Variants in RYR2 observed in about 807,000 individuals in gnomAD.
RYR2 encodes cardiac muscle ryanodine receptor-calcium release channel.
In RYR2, 227 loss-of-function variants were observed where a neutral mutation model predicts 601.1. The observed-to-expected ratio is 0.38, with a 90% CI of 0.34 to 0.42. The LOEUF (loss-of-function observed/expected upper bound fraction) is 0.42, where lower values mean the gene tolerates loss of function less well. Among genes scored for constraint, RYR2 ranks in the 10% least tolerant of loss-of-function variants. The pLI, the probability that RYR2 is intolerant of heterozygous loss-of-function variation, is 1.00. For missense variants in RYR2, 4,646 were observed against 6,156.5 expected (o/e 0.75, Z 8.21); for synonymous variants, 2,223 against 2,175.1 (o/e 1.02, Z -0.61).
At chr1:237,522,630 T>C (rs1225420112) in intron 24 of RYR2, among the ~76,000 whole-genome samples, 1 of 152,234 alleles carries the variant, frequency 6.6e-6, no homozygotes, top group East Asian at 1.9e-4. Flanking sequence ...TTACCATTTT[T>C]CAAATTTTAC....
At chr1:237,673,253 G>A (rs971347808) in intron 58 of RYR2, among the ~76,000 whole-genome samples, 2 of 152,074 alleles carry the variant, frequency 1.3e-5, no homozygotes, top group South Asian at 2.1e-4. Context: ...CATGCTATTC[G>A]GTTTGCTGCT....
chr1:237,666,307 T>C (rs1290956982), intron 56 of RYR2, among the ~76,000 whole-genome samples: 20 of 152,238 alleles, frequency 1.3e-4, no homozygotes, highest in Admixed American at 1.3e-3. Flanking sequence ...ATTTTCAGAA[T>C]TATCAATCAT....
chr1:237,509,211 A>T (rs969148133), intron 23 of RYR2, among the ~76,000 whole-genome samples: 2 of 152,046 alleles, frequency 1.3e-5, no homozygotes, highest in South Asian at 4.1e-4. Context: ...TAGCACCCGC[A>T]CCTTTCCTGG....
chr1:237,638,268 C>A, intron 44 of RYR2, 89 bp from the exon 45 acceptor site: 2 of 1,561,690 alleles, frequency 1.3e-6, no homozygotes, highest in Non-Finnish European at 8.7e-7. Context: ...TAAAAGCATC[C>A]TTTAAGGATG....
chr1:237,239,886 C>T (rs1020764222), intron 1 of RYR2, among the ~76,000 whole-genome samples: 1 of 152,148 alleles, frequency 6.6e-6, no homozygotes, highest in Non-Finnish European at 1.5e-5. Flanking sequence ...TACTCTATCA[C>T]GTTGCAAGGA....
intron 10 of RYR2, among the ~76,000 whole-genome samples, chr1:237,395,564 T>TTTTTTTTTTTTTTTG (rs1400077755): frequency 3.9e-5 from 3 of 77,642 alleles, no homozygotes; most frequent in African/African-American, 1.2e-4. Context: ...TTTTTTTTTT[T>TTTTTTTTTTTTTTTG]GAGACAGAGT....
intron 1 of RYR2, among the ~76,000 whole-genome samples, chr1:237,215,102 A>T (rs1442690149): frequency 6.6e-6 from 1 of 152,232 alleles, no homozygotes; most frequent in Non-Finnish European, 1.5e-5. Flanking sequence ...TCTGTCATGT[A>T]GTATATCTTC....
chr1:237,496,783 T>C (rs745886582), intron 20 of RYR2, 31 bp downstream of exon 20: 1 of 1,584,670 alleles, frequency 6.3e-7, no homozygotes, highest in Non-Finnish European at 8.6e-7. Flanking sequence ...TTCACCGTGT[T>C]CCAGAAGATC....
At chr1:237,706,207 C>T (rs1332900031) in intron 67 of RYR2, among the ~76,000 whole-genome samples, 1 of 152,108 alleles carries the variant, frequency 6.6e-6, no homozygotes, top group Non-Finnish European at 1.5e-5. Context: ...CAAGACTGCG[C>T]CACTGCACTC....
chr1:237,617,230 A>G, intron 37 of RYR2, 56 bp from the exon 38 acceptor site: 1 of 1,433,624 alleles, frequency 7.0e-7, no homozygotes, highest in East Asian at 2.5e-5. Flanking sequence ...ATGATTTCAT[A>G]CACATTATTA....
At chr1:237,618,258 A>C (rs951812257) in intron 38 of RYR2, among the ~76,000 whole-genome samples, 1 of 152,138 alleles carries the variant, frequency 6.6e-6, no homozygotes. Flanking sequence ...TGTTATAAAC[A>C]GCATTTATTG....
chr1:237,774,147 TCA>T (rs1035210049), intron 87 of RYR2, among the ~76,000 whole-genome samples: 17 of 152,356 alleles, frequency 1.1e-4, no homozygotes, highest in African/African-American at 4.1e-4. Flanking sequence ...AGCCTTAACT[TCA>T]GATTTTTTAA....
chr1:237,705,229 G>A lies in RYR2; in HGVS notation c.9466G>A (p.Gly3156Arg), dbSNP rs749825473. 1 of 1,608,034 alleles carries A rather than the reference G, an allele frequency of 6.2e-7. No individual in the cohort carries two copies. The highest frequency in any genetic ancestry group is 1.1e-5 in the South Asian group (1 of 89,892). Residue 3156 changes from glycine (G) to arginine (R), a missense_variant, in exon 67 of 105, where the codon GGA becomes AGA. Physicochemically the swap from Gly to Arg is moderately radical, Grantham distance 125. Transcript: ENST00000366574. Reference protein sequence around the residue: ...IYVERQRSALGECLAAFAGAF... With the variant: ...IYVERQRSALRECLAAFAGAF... ...CACTTATAGGCAACGTTCTGCATTAGGAGAATGTCTAGCTGCCTTTGCTGG... is the reference window on the plus strand; with the variant it reads ...CACTTATAGGCAACGTTCTGCATTAAGAGAATGTCTAGCTGCCTTTGCTGG...
At chr1:237,582,139 G>A (rs1025216840) in intron 29 of RYR2, among the ~76,000 whole-genome samples, 1 of 151,760 alleles carries the variant, frequency 6.6e-6, no homozygotes, top group Non-Finnish European at 1.5e-5. Context: ...TGTTGCTCTT[G>A]TTGCCCAGGC....
chr1:237,559,383 A>G (rs534220699), intron 27 of RYR2, among the ~76,000 whole-genome samples: 2 of 152,242 alleles, frequency 1.3e-5, no homozygotes, highest in South Asian at 4.1e-4. Context: ...AGTGGGCAGA[A>G]CAGAGTTGGA....
intron 47 of RYR2, 84 bp from the exon 48 acceptor site, chr1:237,643,243 G>C: frequency 6.5e-7 from 1 of 1,535,572 alleles, no homozygotes; most frequent in Non-Finnish European, 8.9e-7. Flanking sequence ...TTTGGACTTG[G>C]ATTCCAATAC....
intron 29 of RYR2, among the ~76,000 whole-genome samples, chr1:237,571,549 A>G (rs1672703493): frequency 7.2e-5 from 11 of 152,028 alleles, no homozygotes; most frequent in Admixed American, 7.2e-4. Context: ...TCCTGACCTC[A>G]GGTGATCCAC....
intron 73 of RYR2, among the ~76,000 whole-genome samples, chr1:237,721,188 TATTA>T (rs1158799760): frequency 6.6e-5 from 10 of 152,226 alleles, no homozygotes; most frequent in South Asian, 2.1e-4. Context: ...GATTCTACTT[TATTA>T]ATTATGTATT....
intron 101 of RYR2, among the ~76,000 whole-genome samples, chr1:237,820,694 G>T (rs1043613705): frequency 6.4e-4 from 98 of 152,278 alleles, no homozygotes; most frequent in African/African-American, 2.3e-3. Context: ...CGCCTGGAAA[G>T]GGGGCTGAAA....
Sources: gnomAD v4.1 joint callset for allele counts (sites outside exome capture counted in the v4.1 genomes callset) on GRCh38, gnomAD v4.1.1 for gene constraint, MANE v1.5 for transcripts, NCBI Gene and HGNC (gene_info 2026-07-23, HGNC 2026-07-21) for gene names.